Variants in DPF3 observed in about 807,000 individuals in gnomAD.
The protein encoded by DPF3 is zinc finger protein DPF3.
Under a neutral mutation model 56.8 loss-of-function variants are expected in DPF3, and 18 were observed. The observed-to-expected ratio is 0.32, with a 90% CI of 0.22 to 0.47. The LOEUF (loss-of-function observed/expected upper bound fraction) is 0.47. Ranked by LOEUF, DPF3 falls within the 20% of genes least tolerant of loss-of-function variation. The pLI is 1.00. For synonymous variants in DPF3, 188 were observed against 180.2 expected, an observed-to-expected ratio of 1.04 and a Z score of -0.35; for missense variants, 403 against 488.8, an observed-to-expected ratio of 0.82 and a Z score of 1.65.
At chr14:72,877,952 T>A (rs1161868106) in intron 1 of DPF3, among the ~76,000 whole-genome samples, 3 of 152,244 alleles carry the variant, frequency 2.0e-5, no homozygotes, top group Non-Finnish European at 2.9e-5. Context: ...TGTCACCCTC[T>A]GTCCTGAACT....
At chr14:72,744,022 G>T (rs895890554) in intron 3 of DPF3, among the ~76,000 whole-genome samples, 1 of 152,232 alleles carries the variant, frequency 6.6e-6, no homozygotes, top group Non-Finnish European at 1.5e-5. Flanking sequence ...GACTAGAGGG[G>T]TGACATTTGG....
intron 1 of DPF3, among the ~76,000 whole-genome samples, chr14:72,803,384 G>C (rs1369828442): frequency 6.6e-6 from 1 of 152,240 alleles, no homozygotes; most frequent in Non-Finnish European, 1.5e-5. Flanking sequence ...ATCAGCCCCA[G>C]TGCAGAAGAG....
chr14:72,865,520 A>T (rs1885625268), intron 1 of DPF3, among the ~76,000 whole-genome samples: 1 of 152,194 alleles, frequency 6.6e-6, no homozygotes, highest in Non-Finnish European at 1.5e-5. Context: ...CTGGGGTGAA[A>T]TCATCGGCTG....
intron 1 of DPF3, among the ~76,000 whole-genome samples, chr14:72,778,366 T>C (rs1365638410): frequency 1.3e-5 from 2 of 152,168 alleles, no homozygotes; most frequent in South Asian, 2.1e-4. Flanking sequence ...ACTGCACATA[T>C]GAGGGATCTA....
intron 6 of DPF3, among the ~76,000 whole-genome samples, chr14:72,701,640 A>G (rs940888503): frequency 1.3e-5 from 2 of 152,318 alleles, no homozygotes; most frequent in Middle Eastern, 3.4e-3. Flanking sequence ...GCCGGGGAGA[A>G]GCGGCTGCCT....
chr14:72,674,687 A>G (rs574674156), intron 7 of DPF3, among the ~76,000 whole-genome samples: 1 of 152,376 alleles, frequency 6.6e-6, no homozygotes, highest in South Asian at 2.1e-4. Context: ...AACTACTCTC[A>G]GCCCTAAACA....
chr14:72,751,893 C>T (rs893178363), intron 3 of DPF3, among the ~76,000 whole-genome samples: 2 of 152,062 alleles, frequency 1.3e-5, no homozygotes, highest in Non-Finnish European at 2.9e-5. Context: ...TTGGGACAAC[C>T]TTGTCATCAC....
chr14:72,687,748 T>A (rs1161913161), intron 7 of DPF3, among the ~76,000 whole-genome samples: 1 of 152,164 alleles, frequency 6.6e-6, no homozygotes, highest in Non-Finnish European at 1.5e-5. Context: ...CGGTGAAGCC[T>A]TTGCAAACCC....
intron 6 of DPF3, among the ~76,000 whole-genome samples, chr14:72,705,030 G>A (rs369602866): frequency 2.0e-4 from 30 of 152,198 alleles, no homozygotes; most frequent in African/African-American, 4.8e-4. Context: ...GAATTACCAC[G>A]GACCATGCAG....
At chr14:72,714,897 T>C (rs76962697) in intron 5 of DPF3, among the ~76,000 whole-genome samples, 9,037 of 152,216 alleles carry the variant, frequency 0.059, 417 homozygotes, top group East Asian at 0.26. Context: ...TCCTGCTCCT[T>C]AGCCTCCTAG....
chr14:72,774,262 TAAAAAAAAA>T (rs777564213), intron 1 of DPF3, among the ~76,000 whole-genome samples: 3 of 61,008 alleles, frequency 4.9e-5, no homozygotes, highest in African/African-American at 6.5e-5. Flanking sequence ...AGACTCTGTC[TAAAAAAAAA>T]AAAAAAAAAA....
intron 7 of DPF3, among the ~76,000 whole-genome samples, chr14:72,683,457 G>A (rs1887255571): frequency 3.7e-5 from 1 of 26,894 alleles, no homozygotes; most frequent in African/African-American, 1.7e-4. Flanking sequence ...TCAAGCTTGA[G>A]AAACATGGCT....
chr14:72,713,783 T>A (rs1888762502), intron 6 of DPF3, among the ~76,000 whole-genome samples: 1 of 152,142 alleles, frequency 6.6e-6, no homozygotes, highest in Non-Finnish European at 1.5e-5. Flanking sequence ...CTGCCCTGGC[T>A]CCCTGCGACT....
chr14:72,859,839 T>G (rs1464391369), intron 1 of DPF3, among the ~76,000 whole-genome samples: 1 of 152,048 alleles, frequency 6.6e-6, no homozygotes, highest in Non-Finnish European at 1.5e-5. Context: ...AGGGGTATAT[T>G]CACCAAGACA....
At chr14:72,835,153 C>G (rs939507687) in intron 1 of DPF3, among the ~76,000 whole-genome samples, 1 of 152,104 alleles carries the variant, frequency 6.6e-6, no homozygotes. Flanking sequence ...CTGCAACCAC[C>G]GCCTCCCGGG....
At chr14:72,708,487 G>T (rs989671027) in intron 6 of DPF3, among the ~76,000 whole-genome samples, 2 of 152,076 alleles carry the variant, frequency 1.3e-5, no homozygotes, top group African/African-American at 4.8e-5. Context: ...CTTCCCTTCC[G>T]CGACAAAGGC....
At chr14:72,765,876 T>C (rs147811034) in intron 2 of DPF3, among the ~76,000 whole-genome samples, 1,656 of 152,094 alleles carry the variant, frequency 0.011, 30 homozygotes, top group African/African-American at 0.038. Context: ...ATTGCGCCAC[T>C]GCACTCCAGC....
At chr14:72,733,440 C>T (rs1889759234) in intron 3 of DPF3, among the ~76,000 whole-genome samples, 1 of 152,052 alleles carries the variant, frequency 6.6e-6, no homozygotes, top group African/African-American at 2.4e-5. Context: ...GGGCCATTAC[C>T]GCTGCTGCTA....
rs1043313711 is a variant in DPF3 at position 72,731,513 on chromosome 14, T to G, written c.429+294A>C. ...AGGATTCAGACTGTTTTGTCCACTC[T>G]GTGTCCCTGGGACCCTGCACAGTCC... On this transcript the variant is annotated intron_variant, in intron 4 of 10. Transcript: ENST00000556509. 9 of 325,578 alleles carry G rather than the reference T, an allele frequency of 2.8e-5. 1 individual carries two copies. The highest frequency in any genetic ancestry group is 4.3e-5 in the African/African-American group (2 of 47,022). The allele number at this position is 325,578 out of a possible 1,614,324, so 20.2% of individuals were successfully genotyped here.
Sources: allele counts gnomAD v4.1 joint callset (sites outside exome capture counted in the v4.1 genomes callset), GRCh38; gene constraint gnomAD v4.1.1; transcripts MANE v1.5; gene names NCBI Gene and HGNC (gene_info 2026-07-23, HGNC 2026-07-21).